POLH: variants seen among roughly 807,000 people sequenced by gnomAD.
POLH encodes the protein DNA polymerase eta.
In POLH, 53 loss-of-function variants were observed where a neutral mutation model predicts 73.6. The observed-to-expected ratio is 0.72, with a 90% CI of 0.58 to 0.91. The LOEUF (loss-of-function observed/expected upper bound fraction) is 0.91, where lower values mean the gene tolerates loss of function less well. POLH is among the 40% of genes least tolerant of loss of function. The pLI is 0.00. For missense variants in POLH, 768 were observed against 865.4 expected, an observed-to-expected ratio of 0.89 and a Z score of 1.41; for synonymous variants, 292 against 308.5, an observed-to-expected ratio of 0.95 and a Z score of 0.56.
At chr6:43,606,805 A>T (rs1767353885) in intron 9 of POLH, among the ~76,000 whole-genome samples, 1 of 152,130 alleles carries the variant, frequency 6.6e-6, no homozygotes, top group Non-Finnish European at 1.5e-5. Flanking sequence ...AAAATAATTC[A>T]GTGGTTTTAG....
chr6:43,618,961 T>TGG lies in POLH; in HGVS notation c.*4413_*4414dup, dbSNP rs55760315. On this transcript the variant is annotated 3_prime_UTR_variant, in exon 11 of 11. Transcript: ENST00000372236. Reference sequence around the variant, plus strand: ...TCTACTTTTTATTTTATTTATAAATTGGGGGGGGGGTTCTATATTTAGTTT... The same window carrying TGG: ...TCTACTTTTTATTTTATTTATAAATTGGGGGGGGGGGGTTCTATATTTAGTTT... Among the ~76,000 whole-genome samples the TGG allele has an allele frequency of 0.027, 3,779 of 138,780 alleles. 88 individuals carry two copies. Among genetic ancestry groups the TGG allele is most frequent in the African/African-American group, 0.075 (2,804 of 37,198 alleles). 91.0% of individuals were successfully genotyped at this position (138,780 alleles called of 152,430 possible).
intron 9 of POLH, 83 bp downstream of exon 9, chr6:43,605,402 G>T: frequency 5.0e-6 from 3 of 598,512 alleles, no homozygotes; most frequent in Admixed American, 2.2e-5. Context: ...CAGGAACAAA[G>T]ACAGAAAAAA....
chr6:43,594,087 C>T (rs552703124), intron 4 of POLH, among the ~76,000 whole-genome samples: 3 of 151,854 alleles, frequency 2.0e-5, no homozygotes, highest in East Asian at 3.9e-4. Flanking sequence ...TCTGTGGTCC[C>T]GTTCAGTTAA....
Position 43,614,425 on chromosome 6 carries a change from C to A in POLH, c.2010C>A (p.Asn670Lys), listed in dbSNP as rs1364378355. The part of the protein sequence containing the change: ...QKSFLQPHSS[N>K]PQVVSAVSHQ... ...CCTTTTTGCAGCCCCACTCTTCAAA[C>A]CCCCAGGTTGTTTCTGCCGTATCTC... The change falls in exon 11 of 11, where the codon AAC becomes AAA. Residue 670 changes from asparagine (N) to lysine (K), a missense_variant. Transcript: ENST00000372236. The A allele has an allele frequency of 3.7e-6, 6 of 1,614,042 alleles. No individual in the cohort carries two copies. The East Asian group carries it at 1.3e-4, about 36-fold the overall frequency.
At chr6:43,600,371 A>C (rs980379493) in intron 5 of POLH, among the ~76,000 whole-genome samples, 12 of 151,982 alleles carry the variant, frequency 7.9e-5, no homozygotes, top group Admixed American at 7.2e-4. Flanking sequence ...GTGAGCCAAG[A>C]TCACGCCACT....
chr6:43,589,879 AT>A, intron 4 of POLH, among the ~76,000 whole-genome samples: 1 of 150,088 alleles, frequency 6.7e-6, no homozygotes, highest in East Asian at 2.0e-4. Context: ...GCTTTTATAT[AT>A]TTTTTTCATT....
At position 43,613,809 on chromosome 6, in the gene POLH, G is replaced by A. The variant is rs758426617; in HGVS notation, c.1394G>A (p.Gly465Glu). ...PVTSSEAKTQ[G>E]SGPAVTATKK... ...ACCAGCTCAGAAGCTAAGACCCAGG[G>A]AAGTGGCCCAGCGGTGACAGCCACT... Residue 465 changes from glycine to glutamate, a missense_variant, in exon 11 of 11, where the codon GGA (glycine) becomes GAA (glutamate). Gly to Glu is a moderately conservative substitution (Grantham distance 98, BLOSUM62 -2). Transcript: ENST00000372236. 3.1e-6 allele frequency: 5 copies of A among 1,614,184 alleles called. No homozygotes were observed. Among genetic ancestry groups the A allele is most frequent in the Non-Finnish European group, 4.2e-6 (5 of 1,180,034 alleles).
At chr6:43,581,471 T>C (rs1429501783) in intron 1 of POLH, among the ~76,000 whole-genome samples, 2 of 144,866 alleles carry the variant, frequency 1.4e-5, no homozygotes, top group African/African-American at 5.2e-5. Context: ...GCAGAGACAC[T>C]CCTCACTTCC....
intron 9 of POLH, among the ~76,000 whole-genome samples, chr6:43,606,991 G>A (rs962844766): frequency 1.3e-5 from 2 of 152,194 alleles, no homozygotes; most frequent in Non-Finnish European, 1.5e-5. Context: ...GTGGTCTTTT[G>A]TGAAAATATG....
intron 2 of POLH, 99 bp downstream of exon 2, chr6:43,582,555 C>T: frequency 8.1e-7 from 1 of 1,229,586 alleles, no homozygotes; most frequent in Non-Finnish European, 1.2e-6. Flanking sequence ...GGTGACAGGG[C>T]CTTTCTCTGT....
intron 9 of POLH, among the ~76,000 whole-genome samples, chr6:43,608,486 T>C (rs1767534356): frequency 2.0e-5 from 3 of 152,200 alleles, no homozygotes; most frequent in Admixed American, 2.0e-4. Flanking sequence ...GTGGCACTTG[T>C]TTCTCATCTC....
At chr6:43,599,663 GGGAAA>G (rs374026552) in intron 5 of POLH, among the ~76,000 whole-genome samples, 8,154 of 151,068 alleles carry the variant, frequency 0.054, 319 homozygotes, top group African/African-American at 0.11. Flanking sequence ...GTTGGATGAA[GGGAAA>G]GGAAACAATA....
chr6:43,615,871 C>T lies in POLH; in HGVS notation c.*1314C>T, dbSNP rs1195081357. On this transcript the variant is annotated 3_prime_UTR_variant, in exon 11 of 11. Transcript: ENST00000372236. ...TATTTTTAATAGAGATGAGGTTTCACCATGTTGGCCAGGATGGTCTCGATT... is the reference window on the plus strand; with the variant it reads ...TATTTTTAATAGAGATGAGGTTTCATCATGTTGGCCAGGATGGTCTCGATT... Among the ~76,000 whole-genome samples, 1 of 151,828 alleles carries T rather than the reference C, an allele frequency of 6.6e-6. No individual in the cohort carries two copies. The highest frequency in any genetic ancestry group is 2.0e-4 in the East Asian group (1 of 5,018).
At position 43,616,569 on chromosome 6, in the gene POLH, A is replaced by G. The variant is rs1582330938; in HGVS notation, c.*2012A>G. On this transcript the variant is annotated 3_prime_UTR_variant, in exon 11 of 11. Coordinates refer to ENST00000372236, the MANE Select transcript of POLH (RefSeq NM_006502.3). The stretch of plus-strand genomic sequence containing the variant: ...ACACCAATGCACTCCAGCCAGGGTG[A>G]GAGTGAGAGACTGTCTCAAAAAAAA... Among the ~76,000 whole-genome samples the G allele has an allele frequency of 6.8e-6, 1 of 146,618 alleles. No homozygotes were observed. Among genetic ancestry groups the G allele is most frequent in the African/African-American group, 2.6e-5 (1 of 38,800 alleles).
At chr6:43,582,700 T>TG (rs1239743828) in intron 2 of POLH, among the ~76,000 whole-genome samples, 1 of 151,278 alleles carries the variant, frequency 6.6e-6, no homozygotes, top group Non-Finnish European at 1.5e-5. Context: ...TTTTATTTTT[T>TG]GGGGGGTGGG....
chr6:43,607,158 A>G (rs377376217), intron 9 of POLH, among the ~76,000 whole-genome samples: 22 of 152,356 alleles, frequency 1.4e-4, no homozygotes, highest in East Asian at 1.4e-3. Context: ...GCAGTAGTGC[A>G]GTCTCGGCTC....
At chr6:43,602,995 CTT>C (rs59306548) in intron 6 of POLH, among the ~76,000 whole-genome samples, 17 of 114,028 alleles carry the variant, frequency 1.5e-4, no homozygotes, top group African/African-American at 3.1e-4. Context: ...TTATGTATTC[CTT>C]TTTTTTTTTT....
In POLH at chr6:43,604,622, C is replaced by T. The variant is rs1767079624; in HGVS notation, c.892C>T (p.Leu298=). Residue 298 remains leucine, a synonymous_variant, in exon 8 of 11, where the codon CTA becomes TTA. Coordinates refer to ENST00000372236, the MANE Select transcript of POLH (RefSeq NM_006502.3). ...SHFGEKNGSW[L]YAMCRGIEHD... ...TTTTGCTGGTCTTATTAGGTCTTGG[C>T]TATATGCCATGTGCCGAGGGATTGA... is the stretch of plus-strand genomic sequence containing the variant. The T allele has an allele frequency of 6.2e-7, 1 of 1,614,066 alleles. No homozygotes were observed. Among genetic ancestry groups the T allele is most frequent in the Non-Finnish European group, 8.5e-7 (1 of 1,179,918 alleles).
intron 6 of POLH, among the ~76,000 whole-genome samples, chr6:43,601,512 CT>C (rs1317483254): frequency 1.3e-5 from 2 of 152,028 alleles, no homozygotes; most frequent in African/African-American, 4.8e-5. Flanking sequence ...GTGATTTGCC[CT>C]CCTCAGCCTC....
Sources: gnomAD v4.1 joint callset for allele counts (sites outside exome capture counted in the v4.1 genomes callset) on GRCh38, gnomAD v4.1.1 for gene constraint, MANE v1.5 for transcripts, NCBI Gene and HGNC (gene_info 2026-07-23, HGNC 2026-07-21) for gene names.